The following ARMCX4 variants were observed in gnomAD, a reference collection of about 807,000 sequenced individuals.
ARMCX4 encodes armadillo repeat containing X-linked 4.
In ARMCX4, 3 loss-of-function variants were observed where a neutral mutation model predicts 34.7. The observed-to-expected ratio is 0.09, with a 90% CI of 0.04 to 0.22. The LOEUF is 0.22. Ranked by LOEUF, ARMCX4 falls within the 10% of genes least tolerant of loss-of-function variation. The pLI, the probability that ARMCX4 is intolerant of heterozygous loss-of-function variation, is 1.00. For missense variants in ARMCX4, 1,448 were observed against 1,720.8 expected (o/e 0.84, Z 2.81); for synonymous variants, 513 against 632.8 (o/e 0.81, Z 2.84).
chrX:101,437,952 G>A (rs1156670614), intron 2 of ARMCX4, among the ~76,000 whole-genome samples: 4 of 111,560 alleles, frequency 3.6e-5, no homozygotes, highest in Non-Finnish European at 5.6e-5. Flanking sequence ...GTAGTTGAGC[G>A]GTTTTGAGTG....
chrX:101,437,007 G>C lies in ARMCX4; in HGVS notation n.165-7045G>C, dbSNP rs1318041922. Among the ~76,000 whole-genome samples the C allele has an allele frequency of 3.6e-5, 4 of 111,783 alleles. No individual in the cohort carries two copies. In the East Asian group the frequency reaches 8.4e-4, roughly 23 times the overall value. On this transcript the variant is annotated intron_variant and non_coding_transcript_variant, in intron 2 of 3. Coordinates refer to the ARMCX4 transcript ENST00000430461. ...CCAGGGATGAAGCCCACTTGATCATGGTGGATAAGCTTTTTGATGTGCTGC... is the reference window on the plus strand; with the variant it reads ...CCAGGGATGAAGCCCACTTGATCATCGTGGATAAGCTTTTTGATGTGCTGC...
chrX:101,470,508 G>C (rs1435354822), intron 4 of ARMCX4, among the ~76,000 whole-genome samples: 1 of 110,447 alleles, frequency 9.1e-6, no homozygotes, highest in Non-Finnish European at 1.9e-5. Context: ...TAGTAGAGAT[G>C]GGGTATCACC....
chrX:101,477,341 G>A (rs1556004515), intron 4 of ARMCX4, among the ~76,000 whole-genome samples: 1 of 98,059 alleles, frequency 1.0e-5, no homozygotes, highest in Non-Finnish European at 2.0e-5. Flanking sequence ...TCAGGTAGCC[G>A]AGGCATGAAA....
chrX:101,437,431 G>A (rs145461693), intron 2 of ARMCX4, among the ~76,000 whole-genome samples: 8,894 of 111,669 alleles, frequency 0.08, 865 homozygotes, highest in African/African-American at 0.28. Flanking sequence ...GTTTATTTGC[G>A]TAGAGGTGTT....
chrX:101,433,356 A>G lies in ARMCX4; in HGVS notation n.165-10696A>G, dbSNP rs1678969936. Among the ~76,000 whole-genome samples the G allele has an allele frequency of 2.7e-5, 3 of 109,586 alleles. No homozygotes were observed. The South Asian group carries it at 1.1e-3, about 41-fold the overall frequency. ...CATATGTACATATATGTACATATAT[A>G]CTTACATATAAACATATGTACATAT... On this transcript the variant is annotated intron_variant and non_coding_transcript_variant, in intron 2 of 3. Transcript: ENST00000430461.
At chrX:101,527,827 A>G (rs1427461713) in intron 11 of ARMCX4, among the ~76,000 whole-genome samples, 2 of 111,744 alleles carry the variant, frequency 1.8e-5, no homozygotes, top group African/African-American at 6.5e-5. Flanking sequence ...TCTGAAATTG[A>G]GGCAATAATT....
chrX:101,531,767 A>T (rs781857183), exon 12 of ARMCX4: 1 of 112,017 alleles, frequency 8.9e-6, no homozygotes, highest in African/African-American at 3.2e-5. Context: ...ATGAGCCTTT[A>T]TAAGACACCA....
chrX:101,534,891 C>T (rs1475426035), downstream of ARMCX4, among the ~76,000 whole-genome samples: 4 of 111,827 alleles, frequency 3.6e-5, no homozygotes, highest in East Asian at 2.8e-4. Flanking sequence ...CTGTCCGCTG[C>T]GCATTCCCCT....
downstream of ARMCX4, among the ~76,000 whole-genome samples, chrX:101,451,578 T>TA (rs1931990182): frequency 1.9e-5 from 1 of 53,023 alleles, no homozygotes; most frequent in Non-Finnish European, 4.6e-5. Flanking sequence ...TGCTTTTTTG[T>TA]GTAGTTGATA....
At chrX:101,519,831 G>A (rs1334172039) in intron 11 of ARMCX4, among the ~76,000 whole-genome samples, 3 of 110,726 alleles carry the variant, frequency 2.7e-5, no homozygotes, top group Non-Finnish European at 5.7e-5. Flanking sequence ...CATCAACACT[G>A]GTTATCTTTT....
At chrX:101,498,268 G>A (rs1263078884), downstream of ARMCX4, 2 of 305,777 alleles carry the variant, frequency 6.5e-6, no homozygotes, top group Non-Finnish European at 1.3e-5. Context: ...AGCAAACACT[G>A]TGATGAAATT....
chrX:101,493,944 T>C lies in ARMCX4; in HGVS notation c.5355T>C (p.Ala1785=). The C allele has an allele frequency of 8.9e-7, 1 of 1,129,570 alleles. No individual in the cohort carries two copies. The highest frequency in any genetic ancestry group is 1.2e-6 in the Non-Finnish European group (1 of 861,387). The allele number at this position is 1,129,570 out of a possible 1,213,427, so 93.1% of individuals were successfully genotyped here. The part of the protein sequence containing the change: ...EEAMICSRIE[A]ENKASSGSWI... ...CCATGATTTGTTCTAGGATTGAGGCTGAGAACAAGGCTAGTAGTGGCTCCT... is the reference window on the plus strand; with the variant it reads ...CCATGATTTGTTCTAGGATTGAGGCCGAGAACAAGGCTAGTAGTGGCTCCT... Residue 1785 remains alanine (A), a synonymous_variant, in exon 6 of 6, where the codon GCT becomes GCC. Coordinates refer to ENST00000423738, the MANE Select transcript of ARMCX4 (RefSeq NM_001256155.3).
In ARMCX4 at chrX:101,494,174, A is replaced by C. The variant is rs1934116605; in HGVS notation, c.5585A>C (p.Glu1862Ala). The C allele has an allele frequency of 1.8e-6, 2 of 1,114,556 alleles. No individual in the cohort carries two copies. Among genetic ancestry groups the C allele is most frequent in the Non-Finnish European group, 2.4e-6 (2 of 851,045 alleles). The allele number at this position is 1,114,556 out of a possible 1,213,427, so 91.9% of individuals were successfully genotyped here. A position where few individuals can be genotyped will look rare whatever the true frequency, so the allele number is the denominator to read the frequency against. Residue 1862 changes from glutamate to alanine, a missense_variant, in exon 6 of 6, where the codon GAG (glutamate) becomes GCG (alanine). By Grantham distance (107) the Glu-to-Ala change is moderately radical. This residue lies in a region of ARMCX4 where 1,343 missense variants were observed against 1,540.7 expected (regional missense o/e 0.87). Coordinates refer to ENST00000423738, the MANE Select transcript of ARMCX4 (RefSeq NM_001256155.3). Reference protein sequence around the residue: ...WSWDGDATTVESRLGAGEEAG... With the variant: ...WSWDGDATTVASRLGAGEEAG... ...TGGGATGGAGATGCAACCACTGTAG[A>C]GTCTAGGCTTGGGGCTGGGGAAGAG... is the stretch of plus-strand genomic sequence containing the variant.
chrX:101,418,399 T>C (rs1283479349), intron 1 of ARMCX4: 1 of 112,373 alleles, frequency 8.9e-6, no homozygotes, highest in Admixed American at 9.4e-5. Flanking sequence ...AGGGGTCGGG[T>C]GTCCGCGGAG....
downstream of ARMCX4, among the ~76,000 whole-genome samples, chrX:101,496,952 C>T (rs138815666): frequency 6.0e-3 from 671 of 111,980 alleles, 2 homozygotes; most frequent in South Asian, 0.015. Context: ...AAGTTGTAAA[C>T]GACCCAAGTA....
chrX:101,444,518 G>A (rs1555997643), intron 3 of ARMCX4, among the ~76,000 whole-genome samples: 1 of 111,923 alleles, frequency 8.9e-6, no homozygotes, highest in African/African-American at 3.2e-5. Context: ...ATCTCCTTTT[G>A]TTAATTCTCT....
intron 2 of ARMCX4, among the ~76,000 whole-genome samples, chrX:101,422,020 T>TATC (rs1555990197): frequency 1.9e-5 from 2 of 104,454 alleles, no homozygotes; most frequent in Non-Finnish European, 3.9e-5. Flanking sequence ...TTATTATTAT[T>TATC]ATTATTATTA....
intron 2 of ARMCX4, among the ~76,000 whole-genome samples, chrX:101,433,676 G>A (rs1453425816): frequency 9.0e-6 from 1 of 111,376 alleles, no homozygotes; most frequent in Non-Finnish European, 1.9e-5. Context: ...ATAAATGTCA[G>A]TCATTATTAC....
rs781865147 is a variant in ARMCX4, at chrX:101,491,152, G to A, written c.2563G>A (p.Val855Met). The A allele has an allele frequency of 7.3e-5, 84 of 1,154,692 alleles. No homozygotes were observed. The highest frequency in any genetic ancestry group is 5.5e-4 in the South Asian group (29 of 52,605). ...TAAGGTCAAGGGCAATCCCAATGTC[G>A]TGTCTAAGGCAGGGGCCAGAGAAGA... ...KNKVKGNPNV[V>M]SKAGAREDTV... The change falls in exon 6 of 6, where the codon GTG becomes ATG. Residue 855 changes from valine (V) to methionine (M), a missense_variant. Physicochemically the swap from Val to Met is conservative, Grantham distance 21 (BLOSUM62 1). Around this residue, in one of 2 missense-constraint regions of ARMCX4, gnomAD observed 1,343 missense variants for 1,540.7 expected, o/e 0.87. Coordinates refer to ENST00000423738, the MANE Select transcript of ARMCX4 (RefSeq NM_001256155.3).
Sources: allele counts gnomAD v4.1 joint callset (sites outside exome capture counted in the v4.1 genomes callset), GRCh38; gene constraint gnomAD v4.1.1; regional missense constraint gnomAD v4.1.1; transcripts MANE v1.5; gene names NCBI Gene and HGNC (gene_info 2026-07-23, HGNC 2026-07-21).